Variants in MROH2A observed in about 807,000 individuals in gnomAD.
MROH2A encodes the protein maestro heat like repeat family member 2A.
In MROH2A, 174 loss-of-function variants were observed where a neutral mutation model predicts 200.4. The ratio of observed to expected loss-of-function variants is 0.87; its 90% CI spans 0.77 to 0.98. The LOEUF (loss-of-function observed/expected upper bound fraction) is 0.98, where lower values mean the gene tolerates loss of function less well. Ranked by LOEUF, MROH2A falls within the 50% of genes least tolerant of loss-of-function variation. The pLI is 0.00. For synonymous variants in MROH2A, 829 were observed against 840.4 expected (o/e 0.99, Z 0.23); for missense variants, 2,045 against 2,139.6 (o/e 0.96, Z 0.87).
intron 41 of MROH2A, among the ~76,000 whole-genome samples, 181 bp downstream of exon 41, chr2:233,832,825 A>T (rs1193357861): frequency 6.6e-6 from 1 of 152,134 alleles, no homozygotes; most frequent in Non-Finnish European, 1.5e-5. Context: ...ACAGCTATTG[A>T]TGGGTGGAGT....
At chr2:233,808,408 G>A (rs913655926) in intron 21 of MROH2A, among the ~76,000 whole-genome samples, 1 of 152,196 alleles carries the variant, frequency 6.6e-6, no homozygotes, top group Non-Finnish European at 1.5e-5. Context: ...GCCCCTCCCT[G>A]CCACAGGAGA....
intron 1 of MROH2A, among the ~76,000 whole-genome samples, chr2:233,778,810 T>G (rs937699901): frequency 2.6e-5 from 4 of 152,172 alleles, no homozygotes. Flanking sequence ...TGTAACAAAT[T>G]ATCATAAACT....
At chr2:233,813,857 C>A in intron 25 of MROH2A, 79 bp downstream of exon 25, 1 of 722,126 alleles carries the variant, frequency 1.4e-6, no homozygotes, top group Non-Finnish European at 2.4e-6. Flanking sequence ...TGAGAGTCCA[C>A]CTTCCTGAAC....
chr2:233,817,971 GGTGTGAGCCCCAC>G lies in MROH2A; in HGVS notation c.2962-29_2962-17del. 1 of 1,550,410 alleles carries G rather than the reference GGTGTGAGCCCCAC, an allele frequency of 6.4e-7. No homozygotes were observed. Among genetic ancestry groups the G allele is most frequent in the Non-Finnish European group, 8.7e-7 (1 of 1,146,880 alleles). On this transcript the variant is annotated intron_variant, in intron 27 of 41. Transcript: ENST00000389758. ...CCCCAGGTGTGCATGAGAGCACAGA[GGTGTGAGCCCCAC>G]GGTCTCCTGTCCCTCAGATCCACCT...
intron 3 of MROH2A, among the ~76,000 whole-genome samples, chr2:233,787,515 T>C (rs1211245757): frequency 8.0e-6 from 1 of 125,200 alleles, no homozygotes; most frequent in Non-Finnish European, 1.6e-5. Context: ...ATATTATATA[T>C]ACATATATAT....
Position 233,832,168 on chromosome 2 carries a change from T to C in MROH2A, c.4735-9T>C. On this transcript the variant is annotated splice_polypyrimidine_tract_variant and intron_variant, in intron 39 of 41. Coordinates refer to ENST00000389758, the MANE Select transcript of MROH2A (RefSeq NM_001394639.1). ...CTCCAAAGCTGTGTGTATCACTTACTTTTTGCAGACTCGGAAAAAGCCGGC... is the reference window on the plus strand; with the variant it reads ...CTCCAAAGCTGTGTGTATCACTTACCTTTTGCAGACTCGGAAAAAGCCGGC... 1 of 1,550,180 alleles carries C rather than the reference T, an allele frequency of 6.5e-7. No individual in the cohort carries two copies. Among genetic ancestry groups the C allele is most frequent in the Non-Finnish European group, 8.7e-7 (1 of 1,146,680 alleles).
chr2:233,780,279 C>T (rs1179479078), intron 3 of MROH2A, among the ~76,000 whole-genome samples: 1 of 152,162 alleles, frequency 6.6e-6, no homozygotes, highest in South Asian at 2.1e-4. Flanking sequence ...ACAAGGTTTG[C>T]ATCACGTGGT....
chr2:233,828,529 C>A lies in MROH2A; in HGVS notation c.4114-101C>A. Reference sequence around the variant, plus strand: ...CTCTCAGAGCCCCTCCCCTCCTGTCCACAGAGCCACCAATCTGCATTACCT... The same window carrying A: ...CTCTCAGAGCCCCTCCCCTCCTGTCAACAGAGCCACCAATCTGCATTACCT... On this transcript the variant is annotated intron_variant, in intron 35 of 41. Coordinates refer to ENST00000389758, the MANE Select transcript of MROH2A (RefSeq NM_001394639.1). The surrounding 1 kb of genome is among the most constrained non-coding windows in gnomAD (Gnocchi z 4.6). 7.0e-7 allele frequency: 1 copy of A among 1,426,112 alleles called. No homozygotes were observed. The highest frequency in any genetic ancestry group is 9.4e-7 in the Non-Finnish European group (1 of 1,061,332). 88.3% of individuals were successfully genotyped at this position (1,426,112 alleles called of 1,614,324 possible). A position where few individuals can be genotyped will look rare whatever the true frequency, so the allele number is the denominator to read the frequency against.
chr2:233,829,540 G>C (rs951944392), intron 37 of MROH2A, 80 bp from the exon 38 acceptor site: 13 of 1,276,082 alleles, frequency 1.0e-5, no homozygotes, highest in Non-Finnish European at 1.3e-5. Context: ...CCAAGGCATT[G>C]GGTATTCCTT....
chr2:233,816,431 G>T (rs1423296417), intron 26 of MROH2A, among the ~76,000 whole-genome samples: 1 of 152,210 alleles, frequency 6.6e-6, no homozygotes. Flanking sequence ...GTGATGACAT[G>T]ACCCTGTTTA....
chr2:233,832,432 G>A (rs1019220092), intron 40 of MROH2A, 147 bp from the exon 41 acceptor site: 14 of 959,280 alleles, frequency 1.5e-5, no homozygotes, highest in South Asian at 3.1e-5. Flanking sequence ...TTTCTATCCC[G>A]TTTTGATTTT....
At chr2:233,814,717 C>A in intron 26 of MROH2A, 40 bp downstream of exon 26, 1 of 1,401,326 alleles carries the variant, frequency 7.1e-7, no homozygotes, top group Non-Finnish European at 9.9e-7. Flanking sequence ...GGGATGGCCA[C>A]TCCTCCCCAG....
Position 233,792,464 on chromosome 2 carries a change from C to T in MROH2A, c.572-332C>T, listed in dbSNP as rs1476682431. Among the ~76,000 whole-genome samples the T allele has an allele frequency of 4.6e-5, 7 of 152,128 alleles. No individual in the cohort carries two copies. In the South Asian group the frequency reaches 1.2e-3, roughly 27 times the overall value. ...AGTGGTTGAGACTACAGGCGCCTGCCAACACGCCCGGCCAATTTTTTGTAT... is the reference window on the plus strand; with the variant it reads ...AGTGGTTGAGACTACAGGCGCCTGCTAACACGCCCGGCCAATTTTTTGTAT... On this transcript the variant is annotated intron_variant, in intron 5 of 41. Transcript: ENST00000389758.
intron 9 of MROH2A, 109 bp downstream of exon 9, chr2:233,795,854 C>T (rs1702071340): frequency 6.5e-7 from 1 of 1,540,322 alleles, no homozygotes; most frequent in African/African-American, 1.4e-5. Context: ...TTCCTTTATC[C>T]TGATGGGGTA....
chr2:233,817,678 A>G (rs1353665706), intron 27 of MROH2A, among the ~76,000 whole-genome samples: 1 of 152,178 alleles, frequency 6.6e-6, no homozygotes, highest in Non-Finnish European at 1.5e-5. Context: ...TCAGCTAGTG[A>G]GCAGGAAGCT....
intron 21 of MROH2A, among the ~76,000 whole-genome samples, chr2:233,808,820 A>G (rs1400861017): frequency 6.6e-6 from 1 of 152,156 alleles, no homozygotes; most frequent in East Asian, 1.9e-4. Context: ...GCCTCTGTTT[A>G]GGGGTGTTCA....
chr2:233,777,253 A>T (rs1700737260), upstream of MROH2A, among the ~76,000 whole-genome samples: 1 of 152,186 alleles, frequency 6.6e-6, no homozygotes. Flanking sequence ...GAGGACAGAG[A>T]TGTGTTCCAC....
In MROH2A at chr2:233,816,900, C is replaced by G. The variant is rs767227440; in HGVS notation, c.2961+15C>G. On this transcript the variant is annotated intron_variant, in intron 27 of 41. Transcript: ENST00000389758. ...CTGCTGTCTGTGTGAGTCCAGGAGT[C>G]CCCAGCCCCCAGCCTGCTGCTCTGA... The G allele has an allele frequency of 2.8e-6, 4 of 1,405,046 alleles. No homozygotes were observed. The South Asian group carries it at 3.7e-5, about 13-fold the overall frequency. 87.0% of individuals were successfully genotyped at this position (1,405,046 alleles called of 1,614,324 possible).
chr2:233,819,262 TCAGC>T, intron 29 of MROH2A, 51 bp from the exon 30 acceptor site: 1 of 1,508,488 alleles, frequency 6.6e-7, no homozygotes, highest in Admixed American at 2.0e-5. Context: ...GGAGAGAGTG[TCAGC>T]AGTCATGGAG....
Sources: gnomAD v4.1 joint callset for allele counts (sites outside exome capture counted in the v4.1 genomes callset) on GRCh38, gnomAD v4.1.1 for gene constraint, Gnocchi (gnomAD v3.1) non-coding constraint, MANE v1.5 for transcripts, NCBI Gene and HGNC (gene_info 2026-07-23, HGNC 2026-07-21) for gene names.